The following SPICE1 variants were observed in gnomAD, a reference collection of about 807,000 sequenced individuals.
The protein encoded by SPICE1 is spindle and centriole-associated protein 1.
In SPICE1, 75 loss-of-function variants were observed where a neutral mutation model predicts 102.7. The ratio of observed to expected loss-of-function variants is 0.73; its 90% CI spans 0.61 to 0.88. The LOEUF (loss-of-function observed/expected upper bound fraction) is 0.88, where lower values mean the gene tolerates loss of function less well. Ranked by LOEUF, SPICE1 falls within the 40% of genes least tolerant of loss-of-function variation. SPICE1 has a pLI of 0.00. For missense variants in SPICE1, 979 were observed against 1,020.1 expected (o/e 0.96, Z 0.55); for synonymous variants, 308 against 350.3 (o/e 0.88, Z 1.35).
intron 7 of SPICE1, among the ~76,000 whole-genome samples, chr3:113,488,425 C>CA (rs1226773408): frequency 1.3e-5 from 2 of 151,862 alleles, no homozygotes; most frequent in Admixed American, 6.6e-5. Flanking sequence ...CACTCACACA[C>CA]AAAAAAAATA....
At chr3:113,478,887 C>T (rs530370818) in intron 7 of SPICE1, among the ~76,000 whole-genome samples, 1 of 152,084 alleles carries the variant, frequency 6.6e-6, no homozygotes, top group East Asian at 1.9e-4. Flanking sequence ...AGAAATATTA[C>T]AAATCACACT....
At chr3:113,484,798 T>C (rs1936605409) in intron 7 of SPICE1, among the ~76,000 whole-genome samples, 1 of 151,116 alleles carries the variant, frequency 6.6e-6, no homozygotes, top group Non-Finnish European at 1.5e-5. Context: ...TTACTCAATT[T>C]CAGAAAAAGT....
chr3:113,498,618 T>G (rs1290214602), intron 4 of SPICE1, among the ~76,000 whole-genome samples: 1 of 152,222 alleles, frequency 6.6e-6, no homozygotes, highest in Non-Finnish European at 1.5e-5. Flanking sequence ...ATATTATTCT[T>G]CCTGATGATG....
At chr3:113,489,920 T>C (rs982422467) in intron 6 of SPICE1, among the ~76,000 whole-genome samples, 3 of 151,778 alleles carry the variant, frequency 2.0e-5, no homozygotes, top group Non-Finnish European at 4.4e-5. Flanking sequence ...TTTTCTTAGA[T>C]TTTCTCCTAC....
chr3:113,452,124 C>G (rs149359977), intron 14 of SPICE1, among the ~76,000 whole-genome samples: 1 of 152,290 alleles, frequency 6.6e-6, no homozygotes, highest in East Asian at 1.9e-4. Context: ...TTTAGACTCC[C>G]TATCTCCCCC....
chr3:113,472,914 C>A (rs1246473040), intron 7 of SPICE1, among the ~76,000 whole-genome samples: 1 of 152,162 alleles, frequency 6.6e-6, no homozygotes, highest in African/African-American at 2.4e-5. Context: ...TCCTCACTAC[C>A]AACGGAACAA....
intron 7 of SPICE1, 124 bp from the exon 8 acceptor site, chr3:113,469,362 A>G (rs1478780152): frequency 4.6e-6 from 1 of 217,734 alleles, no homozygotes; most frequent in African/African-American, 2.4e-5. Context: ...TATAATTTAT[A>G]TTTATATAAT....
intron 3 of SPICE1, 133 bp downstream of exon 3, chr3:113,503,047 A>C (rs889332097): frequency 3.4e-6 from 3 of 870,862 alleles, no homozygotes; most frequent in Non-Finnish European, 3.5e-6. Context: ...TTTTGATTTT[A>C]TATAGACATA....
chr3:113,485,915 G>A (rs36054418), intron 7 of SPICE1, among the ~76,000 whole-genome samples: 2 of 151,766 alleles, frequency 1.3e-5, no homozygotes, highest in Non-Finnish European at 2.9e-5. Flanking sequence ...CACATGTCCC[G>A]CTTTTAAGTG....
intron 2 of SPICE1, among the ~76,000 whole-genome samples, chr3:113,505,730 G>A (rs1321418992): frequency 2.6e-5 from 4 of 152,104 alleles, no homozygotes; most frequent in African/African-American, 7.2e-5. Context: ...GCAAGGACCT[G>A]TCTCTACAAA....
intron 12 of SPICE1, chr3:113,459,882 A>G: frequency 3.1e-6 from 3 of 983,554 alleles, no homozygotes; most frequent in South Asian, 4.7e-5. Flanking sequence ...ACTCCATCTC[A>G]AAAAGAAAAA....
At chr3:113,467,584 A>G (rs1212027437) in intron 10 of SPICE1, among the ~76,000 whole-genome samples, 1 of 152,238 alleles carries the variant, frequency 6.6e-6, no homozygotes, top group Non-Finnish European at 1.5e-5. Context: ...TATAGGCGTG[A>G]GCCACCACAC....
chr3:113,491,624 C>CAAAAAAAA (rs869171154), intron 6 of SPICE1, among the ~76,000 whole-genome samples: 4,378 of 38,076 alleles, frequency 0.11, 534 homozygotes, highest in Non-Finnish European at 0.17. Context: ...GACTCCGTCT[C>CAAAAAAAA]AAAAAAAAAA....
At chr3:113,493,336 A>G (rs373535309) in intron 5 of SPICE1, 24 bp from the exon 6 acceptor site, 8 of 1,585,960 alleles carry the variant, frequency 5.0e-6, no homozygotes, top group Non-Finnish European at 6.9e-6. Context: ...AGAAGTTGTG[A>G]TGATTTGTTT....
intron 12 of SPICE1, chr3:113,460,342 T>A (rs1935900133): frequency 1.1e-6 from 1 of 910,432 alleles, no homozygotes; most frequent in South Asian, 5.1e-5. Context: ...GCCTGTTTCC[T>A]CTAAGGATAA....
intron 13 of SPICE1, among the ~76,000 whole-genome samples, chr3:113,454,534 C>T (rs2107447855): frequency 6.6e-6 from 1 of 152,158 alleles, no homozygotes; most frequent in Admixed American, 6.5e-5. Context: ...CATAGTGAAA[C>T]TCAGTCTATA....
In SPICE1 at chr3:113,494,143, C is replaced by G; in HGVS notation, c.292-1G>C. Reference sequence around the variant, plus strand: ...GCATCTGGTATTGATCAGAAAGAATCTAGACATGTGTTAATGACAAATATT... The same window carrying G: ...GCATCTGGTATTGATCAGAAAGAATGTAGACATGTGTTAATGACAAATATT... On this transcript the variant is annotated splice_acceptor_variant, in intron 4 of 17. Transcript: ENST00000295872. LOFTEE classifies it high-confidence loss of function. 6.3e-7 allele frequency: 1 copy of G among 1,578,776 alleles called. No homozygotes were observed. The highest frequency in any genetic ancestry group is 8.7e-7 in the Non-Finnish European group (1 of 1,153,636).
chr3:113,510,725 A>T (rs1937204351), intron 1 of SPICE1, among the ~76,000 whole-genome samples: 1 of 152,236 alleles, frequency 6.6e-6, no homozygotes, highest in Admixed American at 6.5e-5. Context: ...TTCATGATGA[A>T]AATGTCAAAA....
At chr3:113,508,789 C>T (rs763125936) in intron 1 of SPICE1, among the ~76,000 whole-genome samples, 9 of 152,120 alleles carry the variant, frequency 5.9e-5, no homozygotes, top group Non-Finnish European at 1.2e-4. Flanking sequence ...CATACGTCCA[C>T]GTAAAAACTT....
Sources: gnomAD v4.1 joint callset for allele counts (sites outside exome capture counted in the v4.1 genomes callset) on GRCh38, gnomAD v4.1.1 for gene constraint, MANE v1.5 for transcripts, NCBI Gene and HGNC (gene_info 2026-07-23, HGNC 2026-07-21) for gene names.